The following IMMP2L variants were observed in gnomAD, a reference collection of about 807,000 sequenced individuals.
IMMP2L encodes inner mitochondrial membrane peptidase subunit 2.
A neutral mutation model predicts 19.3 loss-of-function variants in IMMP2L; 18 were observed. That is an observed-to-expected ratio of 0.93 (90% CI 0.64 to 1.38). IMMP2L has a LOEUF of 1.38. Among genes scored for constraint, IMMP2L ranks in the 40% most tolerant of loss-of-function variants. The pLI is 0.00. For missense variants in IMMP2L, 233 were observed against 218.2 expected, an observed-to-expected ratio of 1.07 and a Z score of -0.43; for synonymous variants, 76 against 73.0, an observed-to-expected ratio of 1.04 and a Z score of -0.21.
At chr7:111,473,406 A>G (rs538823378) in intron 3 of IMMP2L, among the ~76,000 whole-genome samples, 2 of 152,320 alleles carry the variant, frequency 1.3e-5, no homozygotes, top group Admixed American at 1.3e-4. Flanking sequence ...ACAGAGCCAG[A>G]TGTCACTAAG....
In IMMP2L at chr7:111,476,011, G is replaced by A. The variant is rs547840397; in HGVS notation, c.239+11227C>T. Among the ~76,000 whole-genome samples the A allele has an allele frequency of 5.9e-5, 9 of 152,154 alleles. No individual in the cohort carries two copies. In the South Asian group the frequency reaches 1.9e-3, roughly 32 times the overall value. ...AACATAGTTTTCTGATATCCTGAGG[G>A]ATTAATTCTTATGTTGAACTTCCTA... On this transcript the variant is annotated intron_variant, in intron 3 of 5. Transcript: ENST00000405709.
At chr7:111,240,377 G>C (rs927850906) in intron 3 of IMMP2L, among the ~76,000 whole-genome samples, 2 of 151,794 alleles carry the variant, frequency 1.3e-5, no homozygotes, top group East Asian at 3.8e-4. Context: ...TTACACATAA[G>C]AAAAAATAGG....
chr7:110,886,307 AT>A (rs1810215642), intron 5 of IMMP2L, among the ~76,000 whole-genome samples: 1 of 152,106 alleles, frequency 6.6e-6, no homozygotes, highest in African/African-American at 2.4e-5. Flanking sequence ...GAAAAAAAAA[AT>A]CTTCCAATTT....
chr7:111,091,125 A>G (rs2129577841), intron 3 of IMMP2L: 1 of 152,256 alleles, frequency 6.6e-6, no homozygotes, highest in African/African-American at 2.4e-5. Flanking sequence ...AGGCAGCACC[A>G]TGTCAGTGTG....
intron 3 of IMMP2L, among the ~76,000 whole-genome samples, chr7:111,308,885 A>G (rs549849762): frequency 6.6e-6 from 1 of 152,086 alleles, no homozygotes; most frequent in African/African-American, 2.4e-5. Flanking sequence ...ACCATGTGCC[A>G]CCTTAAATAA....
At chr7:111,031,397 T>TGG (rs1790802397) in intron 3 of IMMP2L, among the ~76,000 whole-genome samples, 1 of 78,358 alleles carries the variant, frequency 1.3e-5, no homozygotes, top group African/African-American at 6.6e-5. Flanking sequence ...TGTGTGTGTG[T>TGG]GTGTGTGTGT....
intron 3 of IMMP2L, among the ~76,000 whole-genome samples, chr7:111,302,406 C>T (rs927419502): frequency 4.6e-5 from 7 of 152,038 alleles, no homozygotes; most frequent in South Asian, 2.1e-4. Context: ...TAGTGCTTGA[C>T]GTCCCTATTT....
At chr7:111,434,389 C>G (rs1836927491) in intron 3 of IMMP2L, among the ~76,000 whole-genome samples, 1 of 150,944 alleles carries the variant, frequency 6.6e-6, no homozygotes, top group African/African-American at 2.5e-5. Context: ...CAGTAAAAAG[C>G]TTCTGCACAG....
intron 4 of IMMP2L, among the ~76,000 whole-genome samples, chr7:110,946,190 G>C (rs1817233352): frequency 6.6e-6 from 1 of 152,150 alleles, no homozygotes; most frequent in Non-Finnish European, 1.5e-5. Flanking sequence ...AGTGGAGAGA[G>C]TGAGAATCAA....
intron 3 of IMMP2L, among the ~76,000 whole-genome samples, chr7:111,378,463 T>C (rs1472927176): frequency 6.6e-6 from 1 of 152,008 alleles, no homozygotes; most frequent in African/African-American, 2.4e-5. Context: ...TCACATTTAT[T>C]AGTACTTACT....
chr7:110,804,711 C>A (rs1449028444), intron 5 of IMMP2L, among the ~76,000 whole-genome samples: 2 of 152,064 alleles, frequency 1.3e-5, no homozygotes, highest in Non-Finnish European at 2.9e-5. Flanking sequence ...ATCAGCTTTC[C>A]CCGGACTTCC....
chr7:110,959,031 C>T (rs964979135), intron 4 of IMMP2L, among the ~76,000 whole-genome samples: 1 of 151,938 alleles, frequency 6.6e-6, no homozygotes, highest in African/African-American at 2.4e-5. Flanking sequence ...TACATATCTG[C>T]TTTTGCCACC....
Position 111,482,953 on chromosome 7 carries a change from G to A in IMMP2L, c.239+4285C>T, listed in dbSNP as rs189226820. 1.3e-3 allele frequency among the ~76,000 whole-genome samples: 191 copies of A among 152,182 alleles called. 1 individual carries two copies. Among genetic ancestry groups the A allele is most frequent in the African/African-American group, 4.3e-3 (177 of 41,532 alleles). ...GGCATATACTGAAGGTGACTAAAGA[G>A]ACATAAAAAATAAAAAATGAAAATA... On this transcript the variant is annotated intron_variant, in intron 3 of 5. Transcript: ENST00000405709.
intron 5 of IMMP2L, among the ~76,000 whole-genome samples, chr7:110,676,592 G>A (rs1584474558): frequency 6.6e-6 from 1 of 152,300 alleles, no homozygotes; most frequent in South Asian, 2.1e-4. Context: ...GTTTGGAAAT[G>A]CTGTATTTTA....
chr7:111,236,466 T>C lies in IMMP2L; in HGVS notation c.239+250772A>G, dbSNP rs112030922. On this transcript the variant is annotated intron_variant, in intron 3 of 5. Transcript: ENST00000405709. ...ATCTGATGCTTCGTGAATTATGAGG[T>C]TTTCCACTCTGGCTGATATGGGAAC... Among the ~76,000 whole-genome samples, 539 of 152,198 alleles carry C rather than the reference T, an allele frequency of 3.5e-3. 4 individuals are homozygous for C. Among genetic ancestry groups the C allele is most frequent in the African/African-American group, 0.012 (509 of 41,510 alleles).
chr7:111,150,962 G>A (rs895132075), intron 3 of IMMP2L, among the ~76,000 whole-genome samples: 1 of 152,152 alleles, frequency 6.6e-6, no homozygotes, highest in East Asian at 1.9e-4. Flanking sequence ...TATTCCATAG[G>A]AAAAGCTGTT....
intron 5 of IMMP2L, among the ~76,000 whole-genome samples, chr7:110,885,786 T>C (rs532075272): frequency 1.1e-4 from 16 of 152,104 alleles, no homozygotes; most frequent in African/African-American, 3.9e-4. Context: ...AAGCAGGAGA[T>C]ACAATTTTTC....
At chr7:110,999,864 AT>A (rs1458827393) in intron 3 of IMMP2L, among the ~76,000 whole-genome samples, 1 of 152,078 alleles carries the variant, frequency 6.6e-6, no homozygotes, top group Non-Finnish European at 1.5e-5. Flanking sequence ...TGACTGGGGT[AT>A]TTGTGTGGAG....
At chr7:111,047,762 C>G (rs963085054) in intron 3 of IMMP2L, among the ~76,000 whole-genome samples, 1 of 152,088 alleles carries the variant, frequency 6.6e-6, no homozygotes, top group Non-Finnish European at 1.5e-5. Context: ...AGTTAACAAC[C>G]CAGCCATTGT....
Sources: gnomAD v4.1 joint callset for allele counts (sites outside exome capture counted in the v4.1 genomes callset) on GRCh38, gnomAD v4.1.1 for gene constraint, MANE v1.5 for transcripts, NCBI Gene and HGNC (gene_info 2026-07-23, HGNC 2026-07-21) for gene names.